PDCD11: variants seen among roughly 807,000 people sequenced by gnomAD.
PDCD11 encodes protein RRP5 homolog.
Under a neutral mutation model 198.9 loss-of-function variants are expected in PDCD11, and 97 were observed. The ratio of observed to expected loss-of-function variants is 0.49; its 90% CI spans 0.41 to 0.58. The LOEUF is 0.58. PDCD11 is among the 20% of genes least tolerant of loss of function. PDCD11 has a pLI of 0.00. For missense variants in PDCD11, 2,102 were observed against 2,312.7 expected (o/e 0.91, Z 1.87); for synonymous variants, 893 against 918.0 (o/e 0.97, Z 0.49).
intron 4 of PDCD11, among the ~76,000 whole-genome samples, chr10:103,403,497 A>G (rs1327587423): frequency 6.6e-6 from 1 of 152,182 alleles, no homozygotes; most frequent in African/African-American, 2.4e-5. Context: ...CCCTAGATAA[A>G]GAAGGAAAGG....
chr10:103,441,769 G>C, intron 30 of PDCD11, 57 bp from the exon 31 acceptor site: 3 of 1,548,464 alleles, frequency 1.9e-6, no homozygotes, highest in Non-Finnish European at 2.6e-6. Context: ...GCTGGCACGG[G>C]GGAACAGGGA....
chr10:103,400,226 CTT>C (rs113535367), intron 2 of PDCD11, among the ~76,000 whole-genome samples, 169 bp from the exon 3 acceptor site: 63 of 135,366 alleles, frequency 4.7e-4, no homozygotes, highest in Non-Finnish European at 6.3e-4. Context: ...GGCCCCCCCC[CTT>C]TTTTTTTTTT....
chr10:103,443,237 C>G lies in PDCD11; in HGVS notation c.5028C>G (p.Ser1676=). The G allele has an allele frequency of 1.9e-6, 3 of 1,612,718 alleles. No homozygotes were observed. The South Asian group carries it at 3.3e-5, about 18-fold the overall frequency. The part of the protein sequence containing the change: ...NLENMYGSQE[S]LTKVFERAVQ... ...AGAACATGTACGGCTCTCAGGAGTCCCTGACCAAGGTCTTTGAGCGAGCCG... is the reference window on the plus strand; with the variant it reads ...AGAACATGTACGGCTCTCAGGAGTCGCTGACCAAGGTCTTTGAGCGAGCCG... Residue 1676 remains serine (S), a synonymous_variant, in exon 33 of 36, where the codon TCC becomes TCG. Coordinates refer to ENST00000369797, the MANE Select transcript of PDCD11 (RefSeq NM_014976.2).
intron 10 of PDCD11, 85 bp downstream of exon 10, chr10:103,414,175 G>C (rs574774247): frequency 1.9e-6 from 3 of 1,582,078 alleles, no homozygotes; most frequent in Admixed American, 1.7e-5. Context: ...TGCTTGGGAA[G>C]GGTTTTCTTT....
intron 15 of PDCD11, among the ~76,000 whole-genome samples, chr10:103,418,865 C>G (rs751482214): frequency 6.6e-6 from 1 of 152,056 alleles, no homozygotes; most frequent in African/African-American, 2.4e-5. Context: ...GGGGGACTCT[C>G]GGAGGCTGGA....
At chr10:103,428,313 A>AAG in intron 21 of PDCD11, among the ~76,000 whole-genome samples, 1 of 151,912 alleles carries the variant, frequency 6.6e-6, no homozygotes, top group African/African-American at 2.4e-5. Flanking sequence ...TCAAAAGAAA[A>AAG]AAAAAAAACA....
At chr10:103,417,999 A>G in intron 14 of PDCD11, 67 bp downstream of exon 14, 6 of 1,559,696 alleles carry the variant, frequency 3.8e-6, no homozygotes, top group Middle Eastern at 1.7e-4. Flanking sequence ...CCACTAACAC[A>G]TGGCATATTG....
chr10:103,399,060 G>A (rs1167008823), intron 2 of PDCD11, among the ~76,000 whole-genome samples: 1 of 150,648 alleles, frequency 6.6e-6, no homozygotes, highest in African/African-American at 2.4e-5. Flanking sequence ...CTTGTTCTTA[G>A]ACACTCTTTG....
At chr10:103,402,386 G>A (rs2030152899) in intron 3 of PDCD11, among the ~76,000 whole-genome samples, 1 of 151,954 alleles carries the variant, frequency 6.6e-6, no homozygotes, top group African/African-American at 2.4e-5. Flanking sequence ...ATGTACACAT[G>A]TGTATTTCTT....
At chr10:103,419,845 A>G (rs778061466) in intron 16 of PDCD11, 137 bp downstream of exon 16, 40 of 713,052 alleles carry the variant, frequency 5.6e-5, no homozygotes, top group Non-Finnish European at 8.6e-5. Context: ...GCTGGCTTGC[A>G]GTGGTGTGAT....
At chr10:103,417,203 C>CCT (rs1360724767) in intron 13 of PDCD11, among the ~76,000 whole-genome samples, 7 of 150,882 alleles carry the variant, frequency 4.6e-5, no homozygotes, top group African/African-American at 1.7e-4. Context: ...GACAGAGTTT[C>CCT]CTCTGTCACC....
intron 7 of PDCD11, among the ~76,000 whole-genome samples, chr10:103,408,266 G>T (rs1030477356): frequency 6.6e-6 from 1 of 151,734 alleles, no homozygotes; most frequent in African/African-American, 2.4e-5. Flanking sequence ...CTGCATAGCC[G>T]GTATCCTAGG....
At chr10:103,445,036 C>T (rs1007018673) in intron 35 of PDCD11, among the ~76,000 whole-genome samples, 2 of 152,164 alleles carry the variant, frequency 1.3e-5, no homozygotes, top group Non-Finnish European at 2.9e-5. Flanking sequence ...GACTGAGGTC[C>T]AAAAAGAACA....
chr10:103,400,898 G>C (rs2030000178), intron 3 of PDCD11, among the ~76,000 whole-genome samples: 1 of 151,944 alleles, frequency 6.6e-6, no homozygotes, highest in Admixed American at 6.6e-5. Context: ...ACTACTAAAG[G>C]TGTGTGTCAC....
Position 103,441,826 on chromosome 10 carries a change from G to C in PDCD11, c.4558G>C (p.Glu1520Gln). 2 of 1,613,902 alleles carry C rather than the reference G, an allele frequency of 1.2e-6. No homozygotes were observed. Among genetic ancestry groups the C allele is most frequent in the Non-Finnish European group, 1.7e-6 (2 of 1,179,904 alleles). The change falls in exon 31 of 36, where the codon GAG becomes CAG. Residue 1520 changes from glutamate to glutamine, a missense_variant and splice_region_variant. Glu to Gln is a conservative substitution (Grantham distance 29). Transcript: ENST00000369797. ...CTTTAGCGCCTCTGTGTTCCTCCAG[G>C]AGAAGCAAACCAAGCCAGCAGAAGC... ...EAEETNVLPK[E>Q]KQTKPAEAPR...
At chr10:103,412,844 T>C (rs2133694576) in intron 8 of PDCD11, among the ~76,000 whole-genome samples, 1 of 152,328 alleles carries the variant, frequency 6.6e-6, no homozygotes, top group Non-Finnish European at 1.5e-5. Flanking sequence ...GTGATCCACC[T>C]GCCTTGGTGT....
chr10:103,441,496 C>T (rs781170035), intron 30 of PDCD11, among the ~76,000 whole-genome samples: 20 of 152,170 alleles, frequency 1.3e-4, no homozygotes, highest in African/African-American at 2.4e-4. Flanking sequence ...TTCAAATGAT[C>T]GGCCCGCCTC....
chr10:103,415,102 T>G lies in PDCD11; in HGVS notation c.1469T>G (p.Met490Arg). 6.2e-7 allele frequency: 1 copy of G among 1,614,162 alleles called. No homozygotes were observed. Among genetic ancestry groups the G allele is most frequent in the Non-Finnish European group, 8.5e-7 (1 of 1,180,040 alleles). Residue 490 changes from methionine (M) to arginine (R), a missense_variant, in exon 12 of 36, where the codon ATG becomes AGG. By Grantham distance (91) the Met-to-Arg change is moderately conservative. Coordinates refer to ENST00000369797, the MANE Select transcript of PDCD11 (RefSeq NM_014976.2). ...CCCATGCACCTGGCTGACATCCTGA[T>G]GAAGAATCCGGAGAAGAAGTACCAC... ...VPPMHLADILMKNPEKKYHIG... is the reference protein window; with the variant it reads ...VPPMHLADILRKNPEKKYHIG...
In PDCD11 at chr10:103,405,334, G is replaced by A. The variant is rs1592113203; in HGVS notation, c.564+151G>A. The A allele has an allele frequency of 9.3e-6, 6 of 648,208 alleles. No homozygotes were observed. The East Asian group carries it at 1.4e-4, about 15-fold the overall frequency. The allele number at this position is 648,208 out of a possible 1,614,324, so 40.2% of individuals were successfully genotyped here. ...AAGGAAGGTCTCTTGGGTTCTTTGGGCACTTAATGGACATTGAAGACTTGA... is the reference window on the plus strand; with the variant it reads ...AAGGAAGGTCTCTTGGGTTCTTTGGACACTTAATGGACATTGAAGACTTGA... On this transcript the variant is annotated intron_variant, in intron 5 of 35. Coordinates refer to ENST00000369797, the MANE Select transcript of PDCD11 (RefSeq NM_014976.2).
Sources: allele counts gnomAD v4.1 joint callset (sites outside exome capture counted in the v4.1 genomes callset), GRCh38; gene constraint gnomAD v4.1.1; transcripts MANE v1.5; gene names NCBI Gene and HGNC (gene_info 2026-07-23, HGNC 2026-07-21).